ZBTB20: variants seen among roughly 807,000 people sequenced by gnomAD.
ZBTB20 encodes zinc finger and BTB domain containing 20, also known as zinc finger and BTB domain-containing protein 20.
Under a neutral mutation model 56.9 loss-of-function variants are expected in ZBTB20, and 9 were observed. The observed-to-expected ratio is 0.16, with a 90% CI of 0.10 to 0.28. The LOEUF (loss-of-function observed/expected upper bound fraction) is 0.28, where lower values mean the gene tolerates loss of function less well. Among genes scored for constraint, ZBTB20 ranks in the 10% least tolerant of loss-of-function variants. ZBTB20 has a pLI of 1.00. For synonymous variants in ZBTB20, 417 were observed against 420.7 expected, an observed-to-expected ratio of 0.99 and a Z score of 0.11; for missense variants, 655 against 1,003.0, an observed-to-expected ratio of 0.65 and a Z score of 4.69.
intron 5 of ZBTB20, among the ~76,000 whole-genome samples, chr3:114,788,349 T>C (rs1008410304): frequency 6.6e-6 from 1 of 152,172 alleles, no homozygotes; most frequent in African/African-American, 2.4e-5. Context: ...AACCATTACA[T>C]AATAATCCCA....
chr3:114,834,839 A>AT (rs148347405), intron 4 of ZBTB20, among the ~76,000 whole-genome samples: 6 of 151,922 alleles, frequency 3.9e-5, no homozygotes, highest in East Asian at 1.9e-4. Context: ...GAAAGCCTGG[A>AT]TTTTTTTTAT....
At chr3:114,431,511 A>T (rs117912926) in intron 7 of ZBTB20, among the ~76,000 whole-genome samples, 8 of 152,226 alleles carry the variant, frequency 5.3e-5, no homozygotes, top group Non-Finnish European at 1.0e-4. Context: ...TCATTATGTT[A>T]AAGTTATTTA....
chr3:114,405,575 T>G (rs1321234978), intron 7 of ZBTB20, among the ~76,000 whole-genome samples: 1 of 152,172 alleles, frequency 6.6e-6, no homozygotes, highest in Non-Finnish European at 1.5e-5. Context: ...TATTTATGTG[T>G]ATATTTATAT....
chr3:114,506,876 C>G (rs2044677726), intron 6 of ZBTB20, among the ~76,000 whole-genome samples: 1 of 152,146 alleles, frequency 6.6e-6, no homozygotes, highest in South Asian at 2.1e-4. Flanking sequence ...TTGCTCTTCC[C>G]TGAACATGGC....
chr3:114,894,550 T>G (rs184792712), intron 4 of ZBTB20, among the ~76,000 whole-genome samples: 1 of 152,232 alleles, frequency 6.6e-6, no homozygotes, highest in East Asian at 1.9e-4. Flanking sequence ...GGTAATCGAG[T>G]TAAAATAATG....
At chr3:114,887,642 T>C (rs1176722235) in intron 4 of ZBTB20, among the ~76,000 whole-genome samples, 1 of 152,178 alleles carries the variant, frequency 6.6e-6, no homozygotes, top group Non-Finnish European at 1.5e-5. Flanking sequence ...GGAAAGATTT[T>C]CACTGTGAGC....
chr3:114,390,899 G>A (rs189540822), intron 7 of ZBTB20, among the ~76,000 whole-genome samples: 2 of 152,224 alleles, frequency 1.3e-5, no homozygotes, highest in Non-Finnish European at 2.9e-5. Flanking sequence ...TTTAAAATCT[G>A]TTCCTTCTCT....
chr3:114,409,532 G>C (rs1253832263), intron 7 of ZBTB20, among the ~76,000 whole-genome samples: 1 of 151,934 alleles, frequency 6.6e-6, no homozygotes, highest in Non-Finnish European at 1.5e-5. Flanking sequence ...ACAGGCGAGA[G>C]CTCCAAAAAA....
At chr3:114,454,278 G>T (rs1397107726) in intron 7 of ZBTB20, among the ~76,000 whole-genome samples, 1 of 149,710 alleles carries the variant, frequency 6.7e-6, no homozygotes, top group African/African-American at 2.5e-5. Flanking sequence ...CAAAACTGGC[G>T]GTCAAGCGTT....
chr3:114,634,558 T>C (rs1314312918), intron 6 of ZBTB20, among the ~76,000 whole-genome samples: 1 of 152,182 alleles, frequency 6.6e-6, no homozygotes, highest in Non-Finnish European at 1.5e-5. Context: ...CTCTCATTCT[T>C]CCACAGAAAT....
chr3:114,346,999 T>G (rs764759610), intron 11 of ZBTB20, among the ~76,000 whole-genome samples: 4 of 151,852 alleles, frequency 2.6e-5, no homozygotes, highest in Admixed American at 6.6e-5. Flanking sequence ...AACACTTTCT[T>G]TCATGAATGT....
At chr3:114,654,038 T>C (rs190527720) in intron 6 of ZBTB20, among the ~76,000 whole-genome samples, 1 of 152,046 alleles carries the variant, frequency 6.6e-6, no homozygotes, top group East Asian at 1.9e-4. Context: ...ATAAATTCTG[T>C]TAATCTTTTC....
chr3:114,370,337 G>A (rs2082864983), intron 10 of ZBTB20, among the ~76,000 whole-genome samples: 1 of 152,036 alleles, frequency 6.6e-6, no homozygotes, highest in South Asian at 2.1e-4. Context: ...TCCTATGTTT[G>A]CTCCTGAACC....
At chr3:114,909,416 CTT>C (rs1353425171) in intron 3 of ZBTB20, among the ~76,000 whole-genome samples, 1 of 151,938 alleles carries the variant, frequency 6.6e-6, no homozygotes, top group Non-Finnish European at 1.5e-5. Flanking sequence ...AAGTAAAACA[CTT>C]AACAGTAAGC....
At position 114,782,937 on chromosome 3, in the gene ZBTB20, C is replaced by T. The variant is rs529561859; in HGVS notation, c.-343+18164G>A. On this transcript the variant is annotated intron_variant, in intron 5 of 11. Coordinates refer to ENST00000675478, the MANE Select transcript of ZBTB20 (RefSeq NM_001348800.3). ...ATTGGCTATTATTTGATGCATATAT[C>T]CCTGTATGGCAATCAGTCCAGTAAA... 7.9e-5 allele frequency among the ~76,000 whole-genome samples: 12 copies of T among 152,216 alleles called. 1 individual carries two copies. The South Asian group carries it at 2.5e-3, about 32-fold the overall frequency.
intron 2 of ZBTB20, among the ~76,000 whole-genome samples, chr3:115,005,160 T>C (rs2079412099): frequency 6.6e-6 from 1 of 151,810 alleles, no homozygotes; most frequent in East Asian, 1.9e-4. Context: ...TTTAAATTAA[T>C]ACATTTAGAA....
intron 5 of ZBTB20, chr3:114,791,733 C>A (rs2070971985): frequency 6.6e-6 from 1 of 152,120 alleles, no homozygotes; most frequent in African/African-American, 2.4e-5. Context: ...CATTTGCAAA[C>A]AAGTAGAAGA....
chr3:114,807,583 G>A (rs147863270), intron 4 of ZBTB20, among the ~76,000 whole-genome samples: 1,756 of 151,674 alleles, frequency 0.012, 15 homozygotes, highest in South Asian at 0.042. Context: ...CCTCTTTTCC[G>A]ATCCTAGGAG....
At chr3:114,831,939 A>G (rs2073868119) in intron 4 of ZBTB20, among the ~76,000 whole-genome samples, 2 of 152,064 alleles carry the variant, frequency 1.3e-5, no homozygotes, top group African/African-American at 2.4e-5. Context: ...TTCATTACTC[A>G]TTATGTTTGA....
Sources: allele counts gnomAD v4.1 joint callset (sites outside exome capture counted in the v4.1 genomes callset), GRCh38; gene constraint gnomAD v4.1.1; transcripts MANE v1.5; gene names NCBI Gene and HGNC (gene_info 2026-07-23, HGNC 2026-07-21).